IREB2: variants seen among roughly 807,000 people sequenced by gnomAD.
IREB2 encodes the protein iron-responsive element-binding protein 2.
In IREB2, 39 loss-of-function variants were observed where a neutral mutation model predicts 118.8. That is an observed-to-expected ratio of 0.33 (90% CI 0.25 to 0.43). The LOEUF (loss-of-function observed/expected upper bound fraction) is 0.43. Ranked by LOEUF, IREB2 falls within the 20% of genes least tolerant of loss-of-function variation. The probability of loss-of-function intolerance (pLI) is 1.00; values close to 1 mark genes in which losing one functional copy is unlikely to be tolerated. For synonymous variants in IREB2, 372 were observed against 392.2 expected, an observed-to-expected ratio of 0.95 and a Z score of 0.61; for missense variants, 900 against 1,147.3, an observed-to-expected ratio of 0.78 and a Z score of 3.11.
At chr15:78,489,557 C>G (rs975789087) in intron 16 of IREB2, among the ~76,000 whole-genome samples, 14 of 152,144 alleles carry the variant, frequency 9.2e-5, no homozygotes, top group African/African-American at 3.4e-4. Context: ...CACTCTGTCA[C>G]CCAGGCTGGA....
intron 2 of IREB2, among the ~76,000 whole-genome samples, chr15:78,447,536 G>A (rs1457500176): frequency 6.6e-6 from 1 of 151,972 alleles, no homozygotes; most frequent in Non-Finnish European, 1.5e-5. Flanking sequence ...TCACCATGTT[G>A]GCTAGGCTGG....
intron 2 of IREB2, among the ~76,000 whole-genome samples, chr15:78,458,252 A>G (rs1309173900): frequency 1.3e-5 from 2 of 152,186 alleles, no homozygotes; most frequent in Non-Finnish European, 2.9e-5. Flanking sequence ...AGGGAAATAC[A>G]CAACACTAAG....
chr15:78,440,913 T>TA (rs769115656), intron 2 of IREB2, among the ~76,000 whole-genome samples: 3 of 152,220 alleles, frequency 2.0e-5, no homozygotes, highest in Admixed American at 1.3e-4. Context: ...TTGACTTTAC[T>TA]AACAGTTGAG....
chr15:78,442,107 G>A (rs549442568), intron 2 of IREB2, among the ~76,000 whole-genome samples: 1 of 152,060 alleles, frequency 6.6e-6, no homozygotes, highest in South Asian at 2.1e-4. Flanking sequence ...TGTTGGTCAG[G>A]GTGATCTCAA....
intron 8 of IREB2, 63 bp downstream of exon 8, chr15:78,473,444 C>G (rs2051413795): frequency 1.4e-6 from 2 of 1,425,270 alleles, no homozygotes; most frequent in Non-Finnish European, 1.9e-6. Flanking sequence ...AATTGAAGAG[C>G]TCTATGAGAG....
intron 6 of IREB2, 73 bp downstream of exon 6, chr15:78,470,674 T>C: frequency 1.5e-6 from 1 of 674,212 alleles, no homozygotes; most frequent in Non-Finnish European, 2.4e-6. Context: ...TATATCTTTG[T>C]TTCTTTTTCT....
At chr15:78,461,831 G>A (rs1270017012) in intron 2 of IREB2, among the ~76,000 whole-genome samples, 1 of 152,106 alleles carries the variant, frequency 6.6e-6, no homozygotes, top group African/African-American at 2.4e-5. Context: ...CTTGCTGCTT[G>A]TTACACCAGT....
chr15:78,478,132 G>A (rs1161128637), intron 9 of IREB2, among the ~76,000 whole-genome samples, 165 bp from the exon 10 acceptor site: 1 of 151,880 alleles, frequency 6.6e-6, no homozygotes, highest in Admixed American at 6.6e-5. Context: ...TACTTGGGAG[G>A]CTGACATGGG....
chr15:78,440,364 T>C (rs141927436), intron 2 of IREB2, among the ~76,000 whole-genome samples: 8 of 127,084 alleles, frequency 6.3e-5, no homozygotes, highest in African/African-American at 2.2e-4. Flanking sequence ...TTTTCTCTTT[T>C]CTTTTCTTTT....
rs370104887 is a variant in IREB2, at chr15:78,488,229, G to A, written c.1844G>A (p.Gly615Asp). The A allele has an allele frequency of 6.8e-6, 11 of 1,611,380 alleles. No individual in the cohort carries two copies. The highest frequency in any genetic ancestry group is 6.7e-5 in the African/African-American group (5 of 74,702). ...GILSGNKNFE[G>D]RLCDCVRANY... is the part of the protein sequence containing the mutation. ...TTATCTGGAAACAAAAATTTTGAAG[G>A]TCGTCTTTGTGATTGTGTTCGTGCC... is the stretch of plus-strand genomic sequence containing the variant. The change falls in exon 15 of 22, where the codon GGT becomes GAT. Residue 615 changes from glycine (G) to aspartate (D), a missense_variant. Gly to Asp is a moderately conservative substitution (Grantham distance 94). Transcript: ENST00000258886.
intron 2 of IREB2, among the ~76,000 whole-genome samples, chr15:78,447,176 TTTC>T (rs200592997): frequency 6.6e-6 from 1 of 151,080 alleles, no homozygotes; most frequent in Admixed American, 6.6e-5. Flanking sequence ...CTTTTCTTTC[TTTC>T]TTTTTTTTTT....
rs1255131639 is a variant in IREB2 at position 78,483,442 on chromosome 15, A to G, written c.1413+8A>G. The stretch of plus-strand genomic sequence containing the variant: ...GCTTGCTTAAATGAAAAGGTAGGTT[A>G]CTTTATTCTTATCCGTGTTTTTCAA... On this transcript the variant is annotated splice_region_variant and intron_variant, in intron 11 of 21. Coordinates refer to ENST00000258886, the MANE Select transcript of IREB2 (RefSeq NM_004136.4). The G allele has an allele frequency of 1.4e-6, 2 of 1,434,846 alleles. No individual in the cohort carries two copies. The highest frequency in any genetic ancestry group is 9.8e-7 in the Non-Finnish European group (1 of 1,016,672). 88.9% of individuals were successfully genotyped at this position (1,434,846 alleles called of 1,614,324 possible). A position where few individuals can be genotyped will look rare whatever the true frequency, so the allele number is the denominator to read the frequency against.
At chr15:78,462,895 AT>A in intron 2 of IREB2, 26 bp from the exon 3 acceptor site, 1 of 1,538,312 alleles carries the variant, frequency 6.5e-7, no homozygotes. Context: ...CTGTTTGCTT[AT>A]TAATAGTAAT....
At position 78,463,052 on chromosome 15, in the gene IREB2, C is replaced by T. The variant is rs752570389; in HGVS notation, c.237C>T (p.Pro79=). 1 of 1,608,664 alleles carries T rather than the reference C, an allele frequency of 6.2e-7. No homozygotes were observed. Among genetic ancestry groups the T allele is most frequent in the South Asian group, 1.1e-5 (1 of 89,822 alleles). The part of the protein sequence containing the change: ...WKTKQSNVEV[P]FFPARVLLQD... Reference sequence around the variant, plus strand: ...CCAAACAAAGCAATGTTGAAGTGCCCTTTTTCCCTGCCCGTGTTCTTCTTC... The same window carrying T: ...CCAAACAAAGCAATGTTGAAGTGCCTTTTTTCCCTGCCCGTGTTCTTCTTC... The change falls in exon 3 of 22, where the codon CCC becomes CCT. Residue 79 remains proline, a synonymous_variant. Transcript: ENST00000258886.
At chr15:78,485,165 T>G (rs997838358) in intron 12 of IREB2, among the ~76,000 whole-genome samples, 1 of 152,250 alleles carries the variant, frequency 6.6e-6, no homozygotes, top group East Asian at 1.9e-4. Context: ...TCTGCTTCTC[T>G]TGTTAATTTA....
chr15:78,475,853 A>AAAAG (rs961818957), intron 8 of IREB2: 2 of 163,850 alleles, frequency 1.2e-5, no homozygotes, highest in South Asian at 1.8e-4. Flanking sequence ...CCCTGTTTCT[A>AAAAG]AAAGAAAGAA....
chr15:78,486,884 C>T (rs1051759417), intron 13 of IREB2, among the ~76,000 whole-genome samples: 4 of 151,976 alleles, frequency 2.6e-5, no homozygotes, highest in African/African-American at 7.3e-5. Context: ...TGGCCAGGCT[C>T]GTCTCAAACT....
intron 7 of IREB2, among the ~76,000 whole-genome samples, chr15:78,472,407 C>T (rs62008169): frequency 1.5e-3 from 225 of 151,728 alleles, no homozygotes; most frequent in Non-Finnish European, 2.4e-3. Context: ...TGCTCTGTCA[C>T]CCAGGTTGGA....
intron 10 of IREB2, among the ~76,000 whole-genome samples, chr15:78,479,799 T>G (rs1233478612): frequency 1.3e-5 from 2 of 152,012 alleles, no homozygotes; most frequent in East Asian, 3.9e-4. Context: ...CATGCTCCCG[T>G]GGTTCCACAT....
Sources: allele counts gnomAD v4.1 joint callset (sites outside exome capture counted in the v4.1 genomes callset), GRCh38; gene constraint gnomAD v4.1.1; transcripts MANE v1.5; gene names NCBI Gene and HGNC (gene_info 2026-07-23, HGNC 2026-07-21).